KIT: variants seen among roughly 807,000 people sequenced by gnomAD.
KIT encodes the protein mast/stem cell growth factor receptor Kit.
A neutral mutation model predicts 105.7 loss-of-function variants in KIT; 16 were observed. That is an observed-to-expected ratio of 0.15 (90% confidence interval 0.10 to 0.23). The LOEUF is 0.23. KIT is among the 10% of genes least tolerant of loss of function. The pLI is 1.00. For missense variants in KIT, 858 were observed against 1,213.8 expected (o/e 0.71, Z 4.36); for synonymous variants, 438 against 441.1 (o/e 0.99, Z 0.09).
At chr4:54,706,875 G>T (rs1720823010) in intron 5 of KIT, among the ~76,000 whole-genome samples, 1 of 152,252 alleles carries the variant, frequency 6.6e-6, no homozygotes, top group African/African-American at 2.4e-5. Context: ...TGCTTAAGAG[G>T]CAGAGATGGG....
At chr4:54,735,285 T>G (rs1346913572) in intron 17 of KIT, among the ~76,000 whole-genome samples, 1 of 151,842 alleles carries the variant, frequency 6.6e-6, no homozygotes, top group Non-Finnish European at 1.5e-5. Flanking sequence ...TATAGGAACT[T>G]TAGCACAACA....
At chr4:54,705,569 G>A (rs1347550465) in intron 5 of KIT, among the ~76,000 whole-genome samples, 1 of 151,820 alleles carries the variant, frequency 6.6e-6, no homozygotes, top group South Asian at 2.1e-4. Context: ...TTTGTTTTTT[G>A]TTTTGTGATA....
chr4:54,701,006 T>G (rs1342480642), intron 4 of KIT, among the ~76,000 whole-genome samples: 1 of 152,260 alleles, frequency 6.6e-6, no homozygotes, highest in Non-Finnish European at 1.5e-5. Flanking sequence ...CTATAATCCT[T>G]GATTTCAGAT....
intron 11 of KIT, 38 bp from the exon 12 acceptor site, chr4:54,727,785 C>T (rs2109778884): frequency 6.6e-7 from 1 of 1,506,570 alleles, no homozygotes. Context: ...CCACCACCAG[C>T]ACCATCACCA....
At chr4:54,724,826 C>T (rs1722117820) in intron 8 of KIT, among the ~76,000 whole-genome samples, 1 of 151,794 alleles carries the variant, frequency 6.6e-6, no homozygotes, top group Non-Finnish European at 1.5e-5. Flanking sequence ...GGGTCGCATT[C>T]AAAGCCGTCC....
intron 3 of KIT, 76 bp downstream of exon 3, chr4:54,698,641 C>T (rs1720244974): frequency 6.7e-7 from 1 of 1,500,422 alleles, no homozygotes; most frequent in Non-Finnish European, 9.3e-7. Flanking sequence ...CTCGTTGATC[C>T]ACCTTAGTGT....
intron 4 of KIT, among the ~76,000 whole-genome samples, chr4:54,701,406 C>G (rs1219709078): frequency 4.0e-5 from 5 of 125,564 alleles, no homozygotes; most frequent in Non-Finnish European, 5.7e-5. Flanking sequence ...TTATTCTGAC[C>G]CTTTGGAATA....
chr4:54,660,017 T>C (rs918330449), intron 1 of KIT, among the ~76,000 whole-genome samples: 18 of 152,268 alleles, frequency 1.2e-4, no homozygotes, highest in African/African-American at 4.3e-4. Context: ...CGCAGTGTCC[T>C]CCAGAGTACA....
chr4:54,687,891 T>G (rs1444924354), intron 1 of KIT, among the ~76,000 whole-genome samples: 2 of 152,180 alleles, frequency 1.3e-5, no homozygotes. Context: ...TTCATTAGCA[T>G]TATGTCTTTG....
rs923540925 is a variant in KIT, at chr4:54,683,163, G to A, written c.68-12349G>A. On this transcript the variant is annotated intron_variant, in intron 1 of 20. Coordinates refer to ENST00000288135, the MANE Select transcript of KIT (RefSeq NM_000222.3). ...TCACCTCAGCATTTATTTCTTCTAA[G>A]CATTTAATTACAGATCTTAGAATTG... is the stretch of plus-strand genomic sequence containing the variant. Among the ~76,000 whole-genome samples the A allele has an allele frequency of 2.2e-4, 33 of 152,102 alleles. 1 individual carries two copies. Among genetic ancestry groups the A allele is most frequent in the African/African-American group, 8.0e-4 (33 of 41,392 alleles).
rs1060502563 is a variant in KIT, at chr4:54,738,499, A to T, written c.2873A>T (p.Asn958Ile). 6.2e-7 allele frequency: 1 copy of T among 1,614,100 alleles called. No individual in the cohort carries two copies. ...KPVVDHSVRI[N>I]SVGSTASSSQ... The stretch of plus-strand genomic sequence containing the variant: ...GTGGTAGACCATTCTGTGCGGATCA[A>T]TTCTGTCGGCAGCACCGCTTCCTCC... The change falls in exon 21 of 21, where the codon AAT becomes ATT. Residue 958 changes from asparagine (N) to isoleucine (I), a missense_variant. Coordinates refer to ENST00000288135, the MANE Select transcript of KIT (RefSeq NM_000222.3).
intron 7 of KIT, among the ~76,000 whole-genome samples, chr4:54,717,241 C>T (rs2109741627): frequency 6.6e-6 from 1 of 152,268 alleles, no homozygotes; most frequent in South Asian, 2.1e-4. Flanking sequence ...TGATTCTCTT[C>T]TGTTCTGAAA....
In KIT at chr4:54,723,591, A is replaced by G. The variant is rs1296923168; in HGVS notation, c.1239A>G (p.Pro413=). 4 of 1,613,502 alleles carry G rather than the reference A, an allele frequency of 2.5e-6. No individual in the cohort carries two copies. Among genetic ancestry groups the G allele is most frequent in the Non-Finnish European group, 8.5e-7 (1 of 1,179,420 alleles). ...ATTTCTGTTTTCCTGTAGCAAAACC[A>G]GAAATCCTGACTTACGACAGGCTCG... is the stretch of plus-strand genomic sequence containing the variant. The part of the protein sequence containing the change: ...IAFNVYVNTK[P]EILTYDRLVN... Residue 413 remains proline (P), a synonymous_variant, in exon 8 of 21, where the codon CCA becomes CCG. Transcript: ENST00000288135.
At chr4:54,666,282 T>A (rs2237031) in intron 1 of KIT, among the ~76,000 whole-genome samples, 43,141 of 151,896 alleles carry the variant, frequency 0.28, 7,304 homozygotes, top group Admixed American at 0.4. Flanking sequence ...TTTGTTTTTT[T>A]TGTTTTGTTT....
chr4:54,665,012 C>T (rs1343512264), intron 1 of KIT, among the ~76,000 whole-genome samples: 1 of 151,832 alleles, frequency 6.6e-6, no homozygotes. Flanking sequence ...TCTTGCAAAA[C>T]TGAAATTCTA....
At chr4:54,721,254 CAG>C (rs1721850420) in intron 7 of KIT, among the ~76,000 whole-genome samples, 5 of 152,290 alleles carry the variant, frequency 3.3e-5, no homozygotes, top group South Asian at 2.1e-4. Context: ...AGCTTGGCAT[CAG>C]AGAGTTTAGG....
intron 1 of KIT, 122 bp downstream of exon 1, chr4:54,658,203 C>A: frequency 1.0e-6 from 1 of 997,980 alleles, no homozygotes; most frequent in Non-Finnish European, 1.6e-6. Context: ...CCCGTGCGTT[C>A]CAGCCTCCGG....
At position 54,729,164 on chromosome 4, in the gene KIT, G is replaced by T. The variant is rs117422050; in HGVS notation, c.1991-171G>T. The T allele has an allele frequency of 1.3e-3, 844 of 662,560 alleles. 13 individuals are homozygous for T. The East Asian group carries it at 0.019, about 15-fold the overall frequency. 41.0% of individuals were successfully genotyped at this position (662,560 alleles called of 1,614,324 possible). On this transcript the variant is annotated intron_variant, in intron 13 of 20. Coordinates refer to ENST00000288135, the MANE Select transcript of KIT (RefSeq NM_000222.3). ...GCTTGTTTTATGTTACTCCACATAA[G>T]GCTGCTTTTTTGATAAGCAGTGTTA... is the stretch of plus-strand genomic sequence containing the variant.
intron 1 of KIT, among the ~76,000 whole-genome samples, chr4:54,689,120 A>T (rs1384381559): frequency 6.6e-6 from 1 of 152,238 alleles, no homozygotes; most frequent in African/African-American, 2.4e-5. Flanking sequence ...CCCTCCTCCG[A>T]TCTGCTAATG....
Sources: allele counts gnomAD v4.1 joint callset (sites outside exome capture counted in the v4.1 genomes callset), GRCh38; gene constraint gnomAD v4.1.1; transcripts MANE v1.5; gene names NCBI Gene and HGNC (gene_info 2026-07-23, HGNC 2026-07-21).